The following SYNE2 variants were observed in gnomAD, a reference collection of about 807,000 sequenced individuals.
The protein encoded by SYNE2 is spectrin repeat containing nuclear envelope protein 2.
In SYNE2, 431 loss-of-function variants were observed where a neutral mutation model predicts 856.3. That is an observed-to-expected ratio of 0.50 (90% CI 0.47 to 0.55). The LOEUF is 0.55. Ranked by LOEUF, SYNE2 falls within the 20% of genes least tolerant of loss-of-function variation. The probability of loss-of-function intolerance (pLI) is 0.00; values close to 1 mark genes in which losing one functional copy is unlikely to be tolerated. For synonymous variants in SYNE2, 2,923 were observed against 2,872.3 expected (o/e 1.02, Z -0.56); for missense variants, 8,129 against 8,023.2 (o/e 1.01, Z -0.50).
chr14:63,855,420 A>G (rs917282697), intron 1 of SYNE2, among the ~76,000 whole-genome samples: 1 of 152,076 alleles, frequency 6.6e-6, no homozygotes, highest in East Asian at 1.9e-4. Flanking sequence ...CTGCCTCTCC[A>G]TGCTGTGACT....
chr14:64,186,645 A>G (rs2098492691), intron 97 of SYNE2, 66 bp downstream of exon 97: 2 of 1,605,376 alleles, frequency 1.2e-6, no homozygotes, highest in Admixed American at 1.7e-5. Flanking sequence ...AAGGCCAGAC[A>G]AAGTAGAAAG....
At chr14:64,118,202 A>G (rs1005805247) in intron 66 of SYNE2, among the ~76,000 whole-genome samples, 8 of 152,202 alleles carry the variant, frequency 5.3e-5, no homozygotes, top group Non-Finnish European at 7.3e-5. Flanking sequence ...ACAAATGATC[A>G]TGGTGCTGGA....
At chr14:63,805,711 T>C (rs1350440780) in intron 1 of SYNE2, among the ~76,000 whole-genome samples, 6 of 152,204 alleles carry the variant, frequency 3.9e-5, no homozygotes, top group Non-Finnish European at 8.8e-5. Flanking sequence ...TTAGCTGAAT[T>C]CCTAGGTATT....
chr14:63,841,740 A>G (rs1399961351), intron 1 of SYNE2, among the ~76,000 whole-genome samples: 2 of 151,736 alleles, frequency 1.3e-5, no homozygotes, highest in Non-Finnish European at 2.9e-5. Flanking sequence ...TCTCTTATGA[A>G]GTTGAATGTC....
intron 1 of SYNE2, among the ~76,000 whole-genome samples, chr14:63,867,085 A>G (rs1895561648): frequency 1.3e-5 from 2 of 152,230 alleles, no homozygotes; most frequent in Admixed American, 1.3e-4. Flanking sequence ...ATTTAAGGAA[A>G]CAGAGAGGTT....
At chr14:63,838,671 G>C (rs113483732) in intron 1 of SYNE2, among the ~76,000 whole-genome samples, 121 of 152,090 alleles carry the variant, frequency 8.0e-4, no homozygotes, top group Non-Finnish European at 1.5e-3. Flanking sequence ...ACTGAGCTTG[G>C]CTAATTTTAA....
intron 58 of SYNE2, 123 bp from the exon 59 acceptor site, chr14:64,089,451 C>A: frequency 4.7e-6 from 3 of 634,184 alleles, no homozygotes; most frequent in Admixed American, 3.5e-5. Flanking sequence ...GTTAGTTTTT[C>A]AGAGGTATAG....
chr14:64,224,347 TAAAAC>T lies in SYNE2; in HGVS notation c.20383-99_20383-95del, dbSNP rs768208624. Reference sequence around the variant, plus strand: ...GCCTGGGTGACACAGTGAGACTGTCTAAAACAAAACAAAACAAAAAAAGATTGATT... The same window carrying T: ...GCCTGGGTGACACAGTGAGACTGTCTAAAACAAAACAAAAAAAGATTGATT... On this transcript the variant is annotated intron_variant, in intron 113 of 115. Coordinates refer to ENST00000555002, the MANE Select transcript of SYNE2 (RefSeq NM_182914.3). 2.6e-4 allele frequency: 271 copies of T among 1,059,928 alleles called. 5 individuals are homozygous for T. Among genetic ancestry groups the T allele is most frequent in the Admixed American group, 7.4e-4 (43 of 57,852 alleles). 65.7% of individuals were successfully genotyped at this position (1,059,928 alleles called of 1,614,324 possible).
At chr14:63,947,628 G>C (rs2096057236) in intron 6 of SYNE2, among the ~76,000 whole-genome samples, 1 of 152,076 alleles carries the variant, frequency 6.6e-6, no homozygotes, top group Admixed American at 6.5e-5. Context: ...CTGAGGTTGG[G>C]AGTTCGAGAC....
At chr14:63,783,526 C>T (rs1021955964) in intron 1 of SYNE2, among the ~76,000 whole-genome samples, 2 of 152,104 alleles carry the variant, frequency 1.3e-5, no homozygotes, top group African/African-American at 4.8e-5. Flanking sequence ...TACAGGCGCA[C>T]GCCACGACGG....
chr14:63,993,986 G>A lies in SYNE2; in HGVS notation c.2781+17G>A. On this transcript the variant is annotated intron_variant, in intron 22 of 115. Transcript: ENST00000555002. ...AAATGGGAGGTAAGAACATGCATAT[G>A]TTTCTGAACTTACGTTTTTATATGT... 6.2e-7 allele frequency: 1 copy of A among 1,613,178 alleles called. No homozygotes were observed. The highest frequency in any genetic ancestry group is 8.5e-7 in the Non-Finnish European group (1 of 1,179,378).
At position 64,113,542 on chromosome 14, in the gene SYNE2, G is replaced by A. The variant is rs2097829548; in HGVS notation, c.12811G>A (p.Val4271Met). 3.1e-6 allele frequency: 5 copies of A among 1,612,324 alleles called. No individual in the cohort carries two copies. Among genetic ancestry groups the A allele is most frequent in the Non-Finnish European group, 4.2e-6 (5 of 1,179,110 alleles). Residue 4271 changes from valine (V) to methionine (M), a missense_variant, in exon 66 of 116, where the codon GTG becomes ATG. Transcript: ENST00000555002. ...AACATTAAACGCAGACATGCAGCAG[G>A]TGCTGGAACAGCAGCTGGTAGGGTG... ...PETLNADMQQ[V>M]LEQQLVGCQA...
chr14:63,953,970 G>A (rs1299533718), intron 7 of SYNE2, among the ~76,000 whole-genome samples: 1 of 152,152 alleles, frequency 6.6e-6, no homozygotes, highest in Non-Finnish European at 1.5e-5. Flanking sequence ...CTGGAGTGCA[G>A]TGGTGCGATT....
At chr14:64,062,960 G>A (rs1165335789) in intron 50 of SYNE2, 65 bp downstream of exon 50, 20 of 1,592,934 alleles carry the variant, frequency 1.3e-5, no homozygotes, top group Non-Finnish European at 1.7e-5. Flanking sequence ...ACTGGCAGAG[G>A]CAGCAGAGAA....
chr14:64,071,113 C>T (rs1454938977), intron 52 of SYNE2, among the ~76,000 whole-genome samples: 1 of 152,134 alleles, frequency 6.6e-6, no homozygotes, highest in Non-Finnish European at 1.5e-5. Context: ...GGGTGAATGT[C>T]CTTCCAATTT....
At chr14:64,176,395 G>A (rs981009630) in intron 95 of SYNE2, among the ~76,000 whole-genome samples, 6 of 152,076 alleles carry the variant, frequency 3.9e-5, no homozygotes, top group Non-Finnish European at 7.4e-5. Context: ...TACTTTCCTT[G>A]TCTATCTCCT....
In SYNE2 at chr14:64,052,552, C is replaced by G. The variant is rs772011011; in HGVS notation, c.8639C>G (p.Ser2880Cys). Residue 2880 changes from serine to cysteine, a missense_variant, in exon 48 of 116, where the codon TCT (serine) becomes TGT (cysteine). Coordinates refer to ENST00000555002, the MANE Select transcript of SYNE2 (RefSeq NM_182914.3). The stretch of plus-strand genomic sequence containing the variant: ...CATCACCATGTTACTTTGGAGGCAT[C>G]TCAGAAGGAATTGCAAGAAATTGAC... Reference protein sequence around the residue: ...LKHHHVTLEASQKELQEIDSG... With the variant: ...LKHHHVTLEACQKELQEIDSG... 75 of 1,614,002 alleles carry G rather than the reference C, an allele frequency of 4.6e-5. No homozygotes were observed. The highest frequency in any genetic ancestry group is 6.1e-5 in the Non-Finnish European group (72 of 1,180,050).
chr14:64,194,510 G>A (rs921476839), intron 99 of SYNE2, among the ~76,000 whole-genome samples: 6 of 152,136 alleles, frequency 3.9e-5, no homozygotes, highest in Non-Finnish European at 8.8e-5. Flanking sequence ...TCACCATATT[G>A]CCCAAGCTGG....
chr14:63,822,048 G>A (rs1387020373), intron 1 of SYNE2, among the ~76,000 whole-genome samples: 3 of 151,816 alleles, frequency 2.0e-5, no homozygotes, highest in Non-Finnish European at 4.4e-5. Flanking sequence ...AAAATTAGCT[G>A]GGCATTGTGG....
Sources: gnomAD v4.1 joint callset for allele counts (sites outside exome capture counted in the v4.1 genomes callset) on GRCh38, gnomAD v4.1.1 for gene constraint, MANE v1.5 for transcripts, NCBI Gene and HGNC (gene_info 2026-07-23, HGNC 2026-07-21) for gene names.